TNIK: variants seen among roughly 807,000 people sequenced by gnomAD.
TNIK encodes TRAF2 and NCK interacting kinase.
A neutral mutation model predicts 191.3 loss-of-function variants in TNIK; 49 were observed. The observed-to-expected ratio is 0.26, with a 90% CI of 0.20 to 0.32. The LOEUF is 0.32. Among genes scored for constraint, TNIK ranks in the 10% least tolerant of loss-of-function variants. The pLI, the probability that TNIK is intolerant of heterozygous loss-of-function variation, is 1.00. For synonymous variants in TNIK, 594 were observed against 600.9 expected (o/e 0.99, Z 0.17); for missense variants, 1,155 against 1,702.3 (o/e 0.68, Z 5.66).
At chr3:171,098,930 A>G (rs1261544325) in intron 22 of TNIK, among the ~76,000 whole-genome samples, 1 of 152,174 alleles carries the variant, frequency 6.6e-6, no homozygotes, top group African/African-American at 2.4e-5. Flanking sequence ...ACACACATAC[A>G]TTTGTACCCT....
intron 18 of TNIK, among the ~76,000 whole-genome samples, chr3:171,122,059 C>G (rs1727823758): frequency 6.6e-6 from 1 of 152,246 alleles, no homozygotes; most frequent in East Asian, 1.9e-4. Flanking sequence ...TTTTGTAAAC[C>G]ACTGACCATC....
intron 2 of TNIK, among the ~76,000 whole-genome samples, chr3:171,272,139 G>A (rs1427669031): frequency 6.6e-6 from 1 of 152,192 alleles, no homozygotes; most frequent in African/African-American, 2.4e-5. Context: ...TCCTCTGCTG[G>A]TTCCTGGCCA....
chr3:171,307,431 G>C (rs1393632165), intron 2 of TNIK, among the ~76,000 whole-genome samples: 1 of 152,132 alleles, frequency 6.6e-6, no homozygotes, highest in African/African-American at 2.4e-5. Flanking sequence ...AGTTCCTTGT[G>C]ATATATGATT....
chr3:171,126,227 GAA>G (rs373912577), intron 16 of TNIK, 76 bp from the exon 17 acceptor site: 6,745 of 1,064,724 alleles, frequency 6.3e-3, no homozygotes, highest in South Asian at 0.015. Context: ...TGAGCTGAAG[GAA>G]AAAAAAAAAA....
chr3:171,089,443 A>G (rs950343578), intron 23 of TNIK, among the ~76,000 whole-genome samples: 1 of 152,168 alleles, frequency 6.6e-6, no homozygotes, highest in Admixed American at 6.5e-5. Context: ...CATAAATCAC[A>G]TGTCATCTCT....
At chr3:171,340,221 G>A (rs1213544387) in intron 2 of TNIK, among the ~76,000 whole-genome samples, 2 of 152,120 alleles carry the variant, frequency 1.3e-5, no homozygotes, top group Non-Finnish European at 2.9e-5. Flanking sequence ...ATAGTCTCTA[G>A]GCAGTTGGAC....
chr3:171,090,742 C>T (rs189727016), intron 23 of TNIK, among the ~76,000 whole-genome samples: 90 of 152,166 alleles, frequency 5.9e-4, no homozygotes, highest in Non-Finnish European at 4.3e-4. Flanking sequence ...ATTCTAGAAC[C>T]GAGTAAAAAG....
At chr3:171,260,027 C>CT (rs1197753141) in intron 2 of TNIK, among the ~76,000 whole-genome samples, 2 of 152,150 alleles carry the variant, frequency 1.3e-5, no homozygotes, top group African/African-American at 4.8e-5. Flanking sequence ...CAAAAGAACC[C>CT]TGCTAAGTCA....
intron 6 of TNIK, among the ~76,000 whole-genome samples, chr3:171,189,401 T>C (rs145163165): frequency 2.6e-3 from 403 of 152,286 alleles, no homozygotes; most frequent in African/African-American, 9.4e-3. Flanking sequence ...ATGGATGAAG[T>C]GTACCCATGA....
chr3:171,248,777 C>A (rs1183454242), intron 2 of TNIK, among the ~76,000 whole-genome samples: 1 of 152,128 alleles, frequency 6.6e-6, no homozygotes, highest in African/African-American at 2.4e-5. Context: ...AATATTATAC[C>A]ATTTTACAAG....
chr3:171,382,859 C>T (rs1311558476), intron 1 of TNIK, among the ~76,000 whole-genome samples: 2 of 152,118 alleles, frequency 1.3e-5, no homozygotes, highest in African/African-American at 4.8e-5. Flanking sequence ...TCCTACTCTA[C>T]TCTGACTGAA....
chr3:171,351,407 C>T lies in TNIK; in HGVS notation c.123+18213G>A, dbSNP rs149881863. Among the ~76,000 whole-genome samples, 256 of 152,044 alleles carry T rather than the reference C, an allele frequency of 1.7e-3. 1 individual carries two copies. The highest frequency in any genetic ancestry group is 0.013 in the Admixed American group (200 of 15,272). ...CCATTGAAAGAAGGTCATCTTAGAT[C>T]TTCTATATAATTAATCAAAAGAACT... On this transcript the variant is annotated intron_variant, in intron 2 of 32. Transcript: ENST00000436636.
At chr3:171,243,539 T>TG (rs1745233430) in intron 2 of TNIK, among the ~76,000 whole-genome samples, 1 of 152,220 alleles carries the variant, frequency 6.6e-6, no homozygotes. Context: ...GGGTTGAACC[T>TG]GTTGGTAGCC....
rs566476093 is a variant in TNIK, at chr3:171,395,657, G to A, written c.58-25972C>T. ...TATATTGAAAAGATATCTTTTCTAC[G>A]ATTAACCAGGTTTTTTAGATTACAG... On this transcript the variant is annotated intron_variant, in intron 1 of 32. Transcript: ENST00000436636. 1.6e-4 allele frequency among the ~76,000 whole-genome samples: 25 copies of A among 152,264 alleles called. No homozygotes were observed. The South Asian group carries it at 2.3e-3, about 14-fold the overall frequency.
At chr3:171,220,759 C>T (rs983051933) in intron 3 of TNIK, among the ~76,000 whole-genome samples, 2 of 152,076 alleles carry the variant, frequency 1.3e-5, no homozygotes, top group Admixed American at 6.6e-5. Flanking sequence ...CTTTGAGGTA[C>T]ACAAATAAAA....
intron 9 of TNIK, among the ~76,000 whole-genome samples, chr3:171,174,740 A>C (rs1170700063): frequency 6.6e-6 from 1 of 152,226 alleles, no homozygotes; most frequent in Non-Finnish European, 1.5e-5. Context: ...CCAAATAAGA[A>C]GCCAGTATCA....
At chr3:171,124,228 C>T (rs1193099654) in intron 17 of TNIK, among the ~76,000 whole-genome samples, 2 of 152,166 alleles carry the variant, frequency 1.3e-5, no homozygotes, top group African/African-American at 2.4e-5. Context: ...AGAGAACCTA[C>T]CACAGTAGAT....
intron 1 of TNIK, among the ~76,000 whole-genome samples, chr3:171,447,109 T>C (rs1727606356): frequency 6.6e-6 from 1 of 152,168 alleles, no homozygotes; most frequent in Non-Finnish European, 1.5e-5. Context: ...GAGAATCGCC[T>C]GAACCCAGGA....
intron 2 of TNIK, among the ~76,000 whole-genome samples, chr3:171,365,161 CTTTTTTTTTTTTTTTTTTTTTTTTT>C (rs60887361): frequency 3.1e-5 from 1 of 31,912 alleles, no homozygotes; most frequent in Non-Finnish European, 6.5e-5. Flanking sequence ...GGACTACATT[CTTTTTTTTTTTTTTTTTTTTTTTTT>C]TTTTTTTTTT....
Sources: allele counts gnomAD v4.1 joint callset (sites outside exome capture counted in the v4.1 genomes callset), GRCh38; gene constraint gnomAD v4.1.1; transcripts MANE v1.5; gene names NCBI Gene and HGNC (gene_info 2026-07-23, HGNC 2026-07-21).